Variants in RANBP2 observed in about 807,000 individuals in gnomAD.
RANBP2 encodes the protein E3 SUMO-protein ligase RanBP2.
RANBP2 carries 57 observed loss-of-function variants against 303.6 expected under a neutral mutation model. That is an observed-to-expected ratio of 0.19 (90% CI 0.15 to 0.23). The LOEUF is 0.23. Among genes scored for constraint, RANBP2 ranks in the 10% least tolerant of loss-of-function variants. The pLI is 1.00. For synonymous variants in RANBP2, 1,167 were observed against 1,301.5 expected (o/e 0.90, Z 2.23); for missense variants, 3,138 against 3,780.8 (o/e 0.83, Z 4.46).
At chr2:109,114,777 T>C in the RANBP2 span, among the ~76,000 whole-genome samples, 1 of 152,164 alleles carries the variant, frequency 6.6e-6, no homozygotes, top group Non-Finnish European at 1.5e-5. Flanking sequence ...TTTAGTGCTA[T>C]AAATTTCCCT....
the RANBP2 span, among the ~76,000 whole-genome samples, chr2:109,678,202 T>G: frequency 6.6e-6 from 1 of 152,250 alleles, no homozygotes; most frequent in African/African-American, 2.4e-5. Flanking sequence ...AAGATCTTTC[T>G]GTCTCAGCTC....
chr2:108,723,287 T>C (rs906899695), intron 1 of RANBP2, among the ~76,000 whole-genome samples: 1 of 151,346 alleles, frequency 6.6e-6, no homozygotes, highest in Non-Finnish European at 1.5e-5. Context: ...TCTTTTCTTT[T>C]TTTTTTTTTT....
At chr2:108,894,915 C>G in the RANBP2 span, 1 of 152,234 alleles carries the variant, frequency 6.6e-6, no homozygotes, top group South Asian at 2.1e-4. Context: ...AACAGCCACC[C>G]CACTCTTTCG....
At chr2:109,644,258 C>G in the RANBP2 span, among the ~76,000 whole-genome samples, 6,765 of 150,656 alleles carry the variant, frequency 0.045, 154 homozygotes, top group South Asian at 0.098. Context: ...AGTGAGCTGA[C>G]ATCACGCCAC....
At chr2:109,548,554 T>C in the RANBP2 span, among the ~76,000 whole-genome samples, 2 of 151,872 alleles carry the variant, frequency 1.3e-5, no homozygotes, top group Non-Finnish European at 2.9e-5. Context: ...GGTGGGTGGA[T>C]TGCCTGAGCT....
At position 108,772,486 on chromosome 2, in the gene RANBP2, A is replaced by T; in HGVS notation, c.8021-3A>T. The T allele has an allele frequency of 6.2e-7, 1 of 1,611,254 alleles. No homozygotes were observed. The highest frequency in any genetic ancestry group is 1.1e-5 in the South Asian group (1 of 90,944). ...AAATTCTTTTAATCAATTGTATTTT[A>T]AGATGAAGATTTCGAAACAGCTGTC... is the stretch of plus-strand genomic sequence containing the variant. On this transcript the variant is annotated splice_region_variant and splice_polypyrimidine_tract_variant and intron_variant, in intron 21 of 28. Coordinates refer to ENST00000283195, the MANE Select transcript of RANBP2 (RefSeq NM_006267.5).
chr2:109,385,216 C>G, the RANBP2 span, among the ~76,000 whole-genome samples: 1 of 152,216 alleles, frequency 6.6e-6, no homozygotes, highest in Non-Finnish European at 1.5e-5. Flanking sequence ...GAGTAATAAC[C>G]TTACCCACCT....
At chr2:109,580,768 C>G in the RANBP2 span, among the ~76,000 whole-genome samples, 3 of 152,236 alleles carry the variant, frequency 2.0e-5, no homozygotes, top group Non-Finnish European at 4.4e-5. Flanking sequence ...CAGTATAAAA[C>G]TGTGACCACT....
chr2:109,593,084 A>G, the RANBP2 span: 41 of 1,601,514 alleles, frequency 2.6e-5, no homozygotes, highest in African/African-American at 3.9e-4. Flanking sequence ...GTGAAGACAT[A>G]CAAGTTGTTT....
the RANBP2 span, among the ~76,000 whole-genome samples, chr2:108,796,420 T>C: frequency 5.3e-5 from 8 of 152,278 alleles, no homozygotes; most frequent in East Asian, 1.2e-3. Context: ...TGGAAAACAC[T>C]TTGGAGGTTC....
the RANBP2 span, among the ~76,000 whole-genome samples, chr2:109,718,139 C>A: frequency 2.0e-5 from 3 of 152,090 alleles, no homozygotes; most frequent in East Asian, 5.8e-4. Context: ...TAAAATGATG[C>A]GGCCACTTTG....
At chr2:109,415,105 G>A in the RANBP2 span, among the ~76,000 whole-genome samples, 1 of 151,418 alleles carries the variant, frequency 6.6e-6, no homozygotes, top group African/African-American at 2.4e-5. Flanking sequence ...AAGTGGAGGG[G>A]ACCAAGGAAC....
At chr2:109,098,944 A>G in the RANBP2 span, among the ~76,000 whole-genome samples, 3 of 152,218 alleles carry the variant, frequency 2.0e-5, no homozygotes, top group South Asian at 2.1e-4. Context: ...GTTGTTGTCA[A>G]CTGAAGAATC....
the RANBP2 span, among the ~76,000 whole-genome samples, chr2:109,125,930 A>G: frequency 6.6e-6 from 1 of 152,208 alleles, no homozygotes; most frequent in Non-Finnish European, 1.5e-5. Flanking sequence ...CCACACATTT[A>G]TTTTGTTTGG....
chr2:109,006,179 ATTTTC>A, the RANBP2 span, among the ~76,000 whole-genome samples: 4 of 151,774 alleles, frequency 2.6e-5, no homozygotes, highest in African/African-American at 9.7e-5. Flanking sequence ...TTTGGGGGTA[ATTTTC>A]TTTTTCTTTT....
At chr2:108,928,437 C>A in the RANBP2 span, among the ~76,000 whole-genome samples, 1 of 152,180 alleles carries the variant, frequency 6.6e-6, no homozygotes, top group Non-Finnish European at 1.5e-5. Context: ...TCCCCACTGG[C>A]CTCATCACTG....
intron 1 of RANBP2, among the ~76,000 whole-genome samples, chr2:108,723,828 C>T (rs189033947): frequency 3.7e-4 from 57 of 152,228 alleles, no homozygotes; most frequent in Non-Finnish European, 6.8e-4. Context: ...TACTTAAACT[C>T]AGCAATTTAC....
At chr2:109,527,694 A>T in the RANBP2 span, among the ~76,000 whole-genome samples, 2 of 152,178 alleles carry the variant, frequency 1.3e-5, no homozygotes, top group Non-Finnish European at 2.9e-5. Context: ...AGATTTCTGT[A>T]TGAATTTTGC....
intron 23 of RANBP2, 134 bp downstream of exon 23, chr2:108,773,180 T>C: frequency 2.2e-6 from 2 of 916,690 alleles, no homozygotes; most frequent in Non-Finnish European, 3.4e-6. Context: ...TGCAATGGCA[T>C]GCTCGTGGCT....
Sources: allele counts gnomAD v4.1 joint callset (sites outside exome capture counted in the v4.1 genomes callset), GRCh38; gene constraint gnomAD v4.1.1; transcripts MANE v1.5; gene names NCBI Gene and HGNC (gene_info 2026-07-23, HGNC 2026-07-21).